ITGA1: variants seen among roughly 807,000 people sequenced by gnomAD.
The protein encoded by ITGA1 is integrin alpha-1.
In ITGA1, 85 loss-of-function variants were observed where a neutral mutation model predicts 145.9. The ratio of observed to expected loss-of-function variants is 0.58; its 90% CI spans 0.49 to 0.70. The LOEUF is 0.70. ITGA1 is among the 30% of genes least tolerant of loss of function. ITGA1 has a pLI of 0.00. For missense variants in ITGA1, 1,351 were observed against 1,418.7 expected (o/e 0.95, Z 0.77); for synonymous variants, 520 against 495.3 (o/e 1.05, Z -0.66).
At chr5:52,791,643 T>G (rs1748243797) in intron 1 of ITGA1, among the ~76,000 whole-genome samples, 1 of 152,236 alleles carries the variant, frequency 6.6e-6, no homozygotes, top group Admixed American at 6.5e-5. Flanking sequence ...CAAGGCACTG[T>G]GCCAAGGGCT....
In ITGA1 at chr5:52,914,529, G is replaced by T. The variant is rs192571413; in HGVS notation, c.1858-935G>T. ...CGCGCACCTGTAATCCCAGCTATTC[G>T]GGAGGCAGAGGCAGGAGAATCACTT... is the stretch of plus-strand genomic sequence containing the variant. On this transcript the variant is annotated intron_variant, in intron 14 of 28. Coordinates refer to ENST00000282588, the MANE Select transcript of ITGA1 (RefSeq NM_181501.2). Among the ~76,000 whole-genome samples the T allele has an allele frequency of 4.5e-3, 691 of 151,986 alleles. 5 individuals carry two copies. The highest frequency in any genetic ancestry group is 0.016 in the African/African-American group (656 of 41,458).
At chr5:52,819,150 G>C (rs976305440) in intron 1 of ITGA1, among the ~76,000 whole-genome samples, 6 of 152,124 alleles carry the variant, frequency 3.9e-5, no homozygotes, top group Non-Finnish European at 4.4e-5. Flanking sequence ...ATAATCCTTT[G>C]GGTATATACC....
Position 52,865,054 on chromosome 5 carries a change from A to G in ITGA1, c.468A>G (p.Gln156=). 6.2e-7 allele frequency: 1 copy of G among 1,613,684 alleles called. No homozygotes were observed. The highest frequency in any genetic ancestry group is 8.5e-7 in the Non-Finnish European group (1 of 1,179,684). Residue 156 remains glutamine, a synonymous_variant, in exon 5 of 29, where the codon CAA becomes CAG. Transcript: ENST00000282588. ...GTTCTGACGTCAGCCCCACATTTCA[A>G]GTCGTGAATTCCATTGCCCCTGTAC... ...GICSDVSPTF[Q]VVNSIAPVQE...
intron 1 of ITGA1, among the ~76,000 whole-genome samples, chr5:52,815,249 A>T (rs908552344): frequency 1.3e-5 from 2 of 152,204 alleles, no homozygotes; most frequent in African/African-American, 4.8e-5. Context: ...AGGTGAGCCA[A>T]AGTTAAAAAT....
chr5:52,792,319 C>T (rs566105996), intron 1 of ITGA1, among the ~76,000 whole-genome samples: 3 of 152,188 alleles, frequency 2.0e-5, no homozygotes, highest in African/African-American at 7.2e-5. Context: ...AAGAATGACT[C>T]CCAATGGCAG....
At chr5:52,944,262 G>A (rs896098484) in intron 26 of ITGA1, among the ~76,000 whole-genome samples, 4 of 152,162 alleles carry the variant, frequency 2.6e-5, no homozygotes, top group African/African-American at 7.2e-5. Context: ...CATTGGAGAT[G>A]TTGGGTACTC....
intron 15 of ITGA1, among the ~76,000 whole-genome samples, chr5:52,916,792 G>C (rs1299542123): frequency 6.6e-6 from 1 of 152,142 alleles, no homozygotes; most frequent in Non-Finnish European, 1.5e-5. Context: ...TGTTAATCCT[G>C]AATTAGTTTA....
intron 1 of ITGA1, among the ~76,000 whole-genome samples, chr5:52,820,139 G>A (rs1381281122): frequency 6.6e-6 from 1 of 151,480 alleles, no homozygotes; most frequent in African/African-American, 2.4e-5. Flanking sequence ...GCTCATTTTT[G>A]GTTCCATATG....
intron 9 of ITGA1, 31 bp from the exon 10 acceptor site, chr5:52,897,424 T>G: frequency 1.4e-6 from 2 of 1,477,724 alleles, no homozygotes; most frequent in Non-Finnish European, 1.9e-6. Flanking sequence ...GCATTGTTAC[T>G]TATTTACAGT....
chr5:52,906,959 G>A (rs1750418266), intron 12 of ITGA1, among the ~76,000 whole-genome samples: 1 of 152,284 alleles, frequency 6.6e-6, no homozygotes, highest in South Asian at 2.1e-4. Context: ...AGCTTCCAGG[G>A]TGTCTACAAA....
intron 28 of ITGA1, 150 bp from the exon 29 acceptor site, chr5:52,952,257 A>T: frequency 2.3e-6 from 1 of 435,540 alleles, no homozygotes; most frequent in Non-Finnish European, 4.2e-6. Flanking sequence ...ATTGAATATT[A>T]ATAGGTCAAT....
intron 1 of ITGA1, among the ~76,000 whole-genome samples, chr5:52,790,975 CCT>C (rs1580018269): frequency 6.6e-6 from 1 of 152,136 alleles, no homozygotes; most frequent in Non-Finnish European, 1.5e-5. Context: ...ATCCTACCAC[CCT>C]CTGACATCTA....
Position 52,798,314 on chromosome 5 carries a change from GAA to G in ITGA1, c.61+9903_61+9904del, listed in dbSNP as rs200664487. Among the ~76,000 whole-genome samples, 1,514 of 152,296 alleles carry G rather than the reference GAA, an allele frequency of 9.9e-3. 15 individuals are homozygous for G. Among genetic ancestry groups the G allele is most frequent in the Non-Finnish European group, 0.014 (928 of 68,008 alleles). On this transcript the variant is annotated intron_variant, in intron 1 of 28. Coordinates refer to ENST00000282588, the MANE Select transcript of ITGA1 (RefSeq NM_181501.2). ...AGACATAGAGAGCGAGAAACAAAGAGAAAAGAGGCCACAAATATTAATAAGTA... is the reference window on the plus strand; with the variant it reads ...AGACATAGAGAGCGAGAAACAAAGAGAAGAGGCCACAAATATTAATAAGTA...
At position 52,954,386 on chromosome 5, in the gene ITGA1, C is replaced by T. The variant is rs1266835639; in HGVS notation, c.*1935C>T. 1 of 152,124 alleles carries T rather than the reference C, an allele frequency of 6.6e-6. No individual in the cohort carries two copies. The highest frequency in any genetic ancestry group is 1.5e-5 in the Non-Finnish European group (1 of 68,024). The allele number at this position is 152,124 out of a possible 1,614,324, so 9.4% of individuals were successfully genotyped here. A position where few individuals can be genotyped will look rare whatever the true frequency, so the allele number is the denominator to read the frequency against. On this transcript the variant is annotated 3_prime_UTR_variant, in exon 29 of 29. Transcript: ENST00000282588. ...CAGCATCTGTGACTACTAGACAAAG[C>T]CCATTTACTGAACCATAAGTGTGCA...
At chr5:52,819,290 A>C (rs1420027526) in intron 1 of ITGA1, among the ~76,000 whole-genome samples, 1 of 152,172 alleles carries the variant, frequency 6.6e-6, no homozygotes, top group Non-Finnish European at 1.5e-5. Context: ...CTATTTCTCC[A>C]CATCCTCTCC....
At chr5:52,948,467 A>G (rs1751167102) in intron 28 of ITGA1, among the ~76,000 whole-genome samples, 1 of 152,174 alleles carries the variant, frequency 6.6e-6, no homozygotes, top group Admixed American at 6.5e-5. Context: ...TTACTCTCCT[A>G]TGACTCACTT....
intron 27 of ITGA1, 69 bp downstream of exon 27, chr5:52,945,104 A>G (rs574844464): frequency 8.3e-7 from 1 of 1,197,940 alleles, no homozygotes; most frequent in Non-Finnish European, 1.2e-6. Context: ...ATGTTTTATA[A>G]TTGTTGATAG....
rs1451980224 is a variant in ITGA1, at chr5:52,940,824, G to C, written c.3285+880G>C. On this transcript the variant is annotated intron_variant, in intron 26 of 28. Transcript: ENST00000282588. ...AATTTCAACTTTAATTTTAGATACA[G>C]GGAGTATACATGCACGAGTTTGTTA... Among the ~76,000 whole-genome samples the C allele has an allele frequency of 1.3e-5, 2 of 152,066 alleles. 1 individual carries two copies. The highest frequency in any genetic ancestry group is 2.9e-5 in the Non-Finnish European group (2 of 68,030).
chr5:52,920,191 A>C, intron 16 of ITGA1, 141 bp from the exon 17 acceptor site: 3 of 603,440 alleles, frequency 5.0e-6, no homozygotes, highest in East Asian at 6.1e-5. Flanking sequence ...TTGTTATAAC[A>C]GTGTGGATAT....
Sources: allele counts gnomAD v4.1 joint callset (sites outside exome capture counted in the v4.1 genomes callset), GRCh38; gene constraint gnomAD v4.1.1; transcripts MANE v1.5; gene names NCBI Gene and HGNC (gene_info 2026-07-23, HGNC 2026-07-21).